The following GRID2 variants were observed in gnomAD, a reference collection of about 807,000 sequenced individuals.
The protein encoded by GRID2 is glutamate receptor ionotropic, delta-2.
GRID2 carries 33 observed loss-of-function variants against 114.8 expected under a neutral mutation model. The observed-to-expected ratio is 0.29, with a 90% confidence interval of 0.22 to 0.38. The LOEUF is 0.38. GRID2 is among the 10% of genes least tolerant of loss of function. The pLI, the probability that GRID2 is intolerant of heterozygous loss-of-function variation, is 1.00. For synonymous variants in GRID2, 505 were observed against 449.9 expected (o/e 1.12, Z -1.55); for missense variants, 1,184 against 1,257.7 (o/e 0.94, Z 0.89).
At chr4:92,975,526 T>C (rs568322587) in intron 2 of GRID2, among the ~76,000 whole-genome samples, 1 of 152,168 alleles carries the variant, frequency 6.6e-6, no homozygotes, top group African/African-American at 2.4e-5. Flanking sequence ...TATCATATGA[T>C]GTATACCACA....
intron 2 of GRID2, among the ~76,000 whole-genome samples, chr4:92,892,996 T>C (rs1464498913): frequency 6.6e-6 from 1 of 152,236 alleles, no homozygotes; most frequent in African/African-American, 2.4e-5. Context: ...ATGCATTCTT[T>C]TTATAGCCTG....
intron 13 of GRID2, among the ~76,000 whole-genome samples, chr4:93,585,944 C>G (rs1169096654): frequency 6.6e-6 from 1 of 151,988 alleles, no homozygotes; most frequent in Non-Finnish European, 1.5e-5. Context: ...AGAACTTTAT[C>G]CCGAGCCCTT....
chr4:93,783,165 G>T (rs113375801), intron 1 of GRID2, among the ~76,000 whole-genome samples: 141 of 152,340 alleles, frequency 9.3e-4, no homozygotes, highest in African/African-American at 3.3e-3. Flanking sequence ...TCGTGGGAGG[G>T]AAGGCATGCT....
rs34137840 is a variant in GRID2 at position 93,189,773 on chromosome 4, C to CCACACA, written c.736-17594_736-17589dup. ...TAAACAACAACACCACCACACCACA[C>CCACACA]CACACACACACACACACACACACAC... On this transcript the variant is annotated intron_variant, in intron 4 of 15. Transcript: ENST00000282020. Among the ~76,000 whole-genome samples, 282 of 138,970 alleles carry CCACACA rather than the reference C, an allele frequency of 2.0e-3. 1 individual carries two copies. The highest frequency in any genetic ancestry group is 9.5e-3 in the East Asian group (44 of 4,638). 91.2% of individuals were successfully genotyped at this position (138,970 alleles called of 152,430 possible).
chr4:93,543,335 A>G (rs1732843856), intron 13 of GRID2, among the ~76,000 whole-genome samples: 1 of 152,216 alleles, frequency 6.6e-6, no homozygotes, highest in African/African-American at 2.4e-5. Flanking sequence ...ATACATTTTA[A>G]AAGCTGATTT....
At chr4:93,218,719 T>C (rs1302828485) in intron 6 of GRID2, among the ~76,000 whole-genome samples, 1 of 152,104 alleles carries the variant, frequency 6.6e-6, no homozygotes, top group African/African-American at 2.4e-5. Flanking sequence ...CCCTTATCTA[T>C]ATGTGTATTA....
At chr4:93,427,702 T>A (rs921326889) in intron 10 of GRID2, among the ~76,000 whole-genome samples, 1 of 151,888 alleles carries the variant, frequency 6.6e-6, no homozygotes, top group Admixed American at 6.6e-5. Context: ...GAAAATGCAG[T>A]CAGAGAGAGA....
At chr4:93,534,266 G>T (rs749011426) in intron 13 of GRID2, among the ~76,000 whole-genome samples, 5 of 151,734 alleles carry the variant, frequency 3.3e-5, no homozygotes, top group Non-Finnish European at 7.4e-5. Context: ...TAATTTACTT[G>T]CAATTTTATT....
chr4:92,897,860 C>A (rs1219151911), intron 2 of GRID2, among the ~76,000 whole-genome samples: 1 of 152,110 alleles, frequency 6.6e-6, no homozygotes, highest in Non-Finnish European at 1.5e-5. Context: ...GATTATTCTC[C>A]TAAGATCACA....
intron 1 of GRID2, among the ~76,000 whole-genome samples, chr4:92,589,895 G>A (rs1298515658): frequency 2.0e-5 from 3 of 151,974 alleles, no homozygotes; most frequent in African/African-American, 7.3e-5. Flanking sequence ...TCTTCCCCAT[G>A]ACCTCCCCGC....
At chr4:92,808,908 G>T (rs189367275) in intron 2 of GRID2, among the ~76,000 whole-genome samples, 1 of 151,546 alleles carries the variant, frequency 6.6e-6, no homozygotes, top group Non-Finnish European at 1.5e-5. Context: ...GAAGAAATAA[G>T]ACAGTCACTC....
chr4:92,641,711 GT>G (rs889230313), intron 2 of GRID2, among the ~76,000 whole-genome samples: 1 of 151,498 alleles, frequency 6.6e-6, no homozygotes, highest in Non-Finnish European at 1.5e-5. Context: ...ACATGTGCAG[GT>G]TTTTTACATG....
At chr4:92,439,939 A>G (rs1732951904) in intron 1 of GRID2, among the ~76,000 whole-genome samples, 1 of 145,874 alleles carries the variant, frequency 6.9e-6, no homozygotes, top group Non-Finnish European at 1.5e-5. Context: ...AACGGTGAAT[A>G]GGAGTATGAC....
At chr4:92,356,918 C>G (rs1579231814) in intron 1 of GRID2, among the ~76,000 whole-genome samples, 2 of 151,782 alleles carry the variant, frequency 1.3e-5, no homozygotes, top group East Asian at 3.9e-4. Flanking sequence ...TACTCTGTAA[C>G]AAACTATGAT....
At chr4:92,439,811 T>G (rs1308539355) in intron 1 of GRID2, among the ~76,000 whole-genome samples, 1 of 146,110 alleles carries the variant, frequency 6.8e-6, no homozygotes, top group South Asian at 2.3e-4. Context: ...ATTTATTTAC[T>G]TCAAGAGTTA....
chr4:92,513,795 A>C (rs1345951812), intron 1 of GRID2, among the ~76,000 whole-genome samples: 1 of 151,906 alleles, frequency 6.6e-6, no homozygotes, highest in Non-Finnish European at 1.5e-5. Flanking sequence ...TGAAGGGTAA[A>C]TAAATGAATG....
chr4:93,477,661 T>C (rs1291923758), intron 11 of GRID2, among the ~76,000 whole-genome samples: 1 of 152,152 alleles, frequency 6.6e-6, no homozygotes, highest in Non-Finnish European at 1.5e-5. Flanking sequence ...TAATTAATGT[T>C]CTGGAAAATT....
chr4:92,442,954 T>C (rs1055584659), intron 1 of GRID2, among the ~76,000 whole-genome samples: 5 of 151,730 alleles, frequency 3.3e-5, no homozygotes, highest in Admixed American at 2.6e-4. Context: ...ATAAAAAGAT[T>C]ATAGGGTGGA....
At chr4:93,677,332 G>T (rs918433245) in intron 14 of GRID2, among the ~76,000 whole-genome samples, 17 of 152,178 alleles carry the variant, frequency 1.1e-4, no homozygotes, top group Non-Finnish European at 2.2e-4. Context: ...GCCTCTGTAG[G>T]CTCCACCTCT....
Sources: allele counts gnomAD v4.1 joint callset (sites outside exome capture counted in the v4.1 genomes callset), GRCh38; gene constraint gnomAD v4.1.1; transcripts MANE v1.5; gene names NCBI Gene and HGNC (gene_info 2026-07-23, HGNC 2026-07-21).